USP7: variants seen among roughly 807,000 people sequenced by gnomAD.
USP7 encodes ubiquitin C-terminal hydrolase 7.
In USP7, 9 loss-of-function variants were observed where a neutral mutation model predicts 162.9. That is an observed-to-expected ratio of 0.06 (90% CI 0.03 to 0.10). The LOEUF (loss-of-function observed/expected upper bound fraction) is 0.10. Among genes scored for constraint, USP7 ranks in the 10% least tolerant of loss-of-function variants. The pLI is 1.00. For missense variants in USP7, 715 were observed against 1,373.7 expected (o/e 0.52, Z 7.58); for synonymous variants, 562 against 475.9 (o/e 1.18, Z -2.35).
intron 14 of USP7, among the ~76,000 whole-genome samples, chr16:8,904,788 AAAAATAAAAT>A (rs994044889): frequency 1.3e-5 from 2 of 151,606 alleles, no homozygotes; most frequent in South Asian, 4.2e-4. Flanking sequence ...TACTAAAAAA[AAAAATAAAAT>A]AAAAATAAAA....
In USP7 at chr16:8,920,312, C is replaced by T. The variant is rs772528808; in HGVS notation, c.611+47G>A. 3.3e-6 allele frequency: 5 copies of T among 1,513,256 alleles called. No individual in the cohort carries two copies. In the East Asian group the frequency reaches 1.1e-4, roughly 34 times the overall value. The allele number at this position is 1,513,256 out of a possible 1,614,324, so 93.7% of individuals were successfully genotyped here. On this transcript the variant is annotated intron_variant, in intron 5 of 30. Transcript: ENST00000344836. ...ATGCACGCTAAAGCTTCTTTCACTG[C>T]AGCACAAAAGACATTTTTAACAGCA...
intron 1 of USP7, among the ~76,000 whole-genome samples, chr16:8,954,838 T>C (rs1899718929): frequency 6.6e-6 from 1 of 152,218 alleles, no homozygotes; most frequent in African/African-American, 2.4e-5. Flanking sequence ...GGGGCGCCTG[T>C]AGTCCCAGCT....
intron 7 of USP7, 51 bp from the exon 8 acceptor site, chr16:8,916,607 G>C (rs1897383031): frequency 6.5e-7 from 1 of 1,540,014 alleles, no homozygotes; most frequent in Non-Finnish European, 8.8e-7. Flanking sequence ...TTTCAAATGA[G>C]CAAATTAAAA....
intron 1 of USP7, among the ~76,000 whole-genome samples, chr16:8,935,015 C>G (rs867896154): frequency 2.2e-4 from 33 of 152,344 alleles, no homozygotes; most frequent in African/African-American, 7.5e-4. Context: ...CTGTACTAGA[C>G]TTCTAGAAAT....
At chr16:8,909,496 TTC>T (rs1423876926) in intron 11 of USP7, among the ~76,000 whole-genome samples, 3 of 152,208 alleles carry the variant, frequency 2.0e-5, no homozygotes, top group Non-Finnish European at 4.4e-5. Context: ...GATAAAAGGA[TTC>T]TGTCTCCACC....
At chr16:8,925,173 C>T (rs570722698) in intron 2 of USP7, among the ~76,000 whole-genome samples, 287 of 152,264 alleles carry the variant, frequency 1.9e-3, no homozygotes, top group African/African-American at 6.8e-3. Context: ...TTCGCCGAGG[C>T]TGTTTTACAA....
chr16:8,963,387 G>A lies in USP7; in HGVS notation c.-102C>T, dbSNP rs1314105737. 2 of 227,494 alleles carry A rather than the reference G, an allele frequency of 8.8e-6. No homozygotes were observed. The highest frequency in any genetic ancestry group is 1.4e-5 in the Non-Finnish European group (2 of 141,382). 14.1% of individuals were successfully genotyped at this position (227,494 alleles called of 1,614,324 possible). ...GGCGGCGGCGGCGGCGGCGGCGGCG[G>A]GGCGGCCTCCTCCTCCTCCTCCCGC... On this transcript the variant is annotated 5_prime_UTR_variant, in exon 1 of 31. Transcript: ENST00000344836.
At chr16:8,925,973 T>G (rs1897965912) in intron 2 of USP7, among the ~76,000 whole-genome samples, 1 of 148,006 alleles carries the variant, frequency 6.8e-6, no homozygotes, top group South Asian at 2.2e-4. Flanking sequence ...GCTAACACGG[T>G]CAAACTCCAT....
At chr16:8,918,152 T>C (rs1042014688) in intron 6 of USP7, among the ~76,000 whole-genome samples, 1 of 152,156 alleles carries the variant, frequency 6.6e-6, no homozygotes, top group African/African-American at 2.4e-5. Context: ...AAAACTTAAA[T>C]GTGACTAGAA....
At chr16:8,911,167 A>G (rs1214869614) in intron 10 of USP7, among the ~76,000 whole-genome samples, 1 of 152,216 alleles carries the variant, frequency 6.6e-6, no homozygotes, top group Non-Finnish European at 1.5e-5. Context: ...TGGTCTCAAA[A>G]GCAGAGATGC....
chr16:8,920,526 CTG>C, intron 4 of USP7, 79 bp from the exon 5 acceptor site: 1 of 1,218,402 alleles, frequency 8.2e-7, no homozygotes. Context: ...CATTAGTGCC[CTG>C]TACTTAATAG....
intron 1 of USP7, among the ~76,000 whole-genome samples, chr16:8,951,903 C>T (rs1899571462): frequency 2.0e-5 from 3 of 152,334 alleles, no homozygotes; most frequent in East Asian, 1.9e-4. Flanking sequence ...ATGCCACCTG[C>T]AGTGTATCAG....
At chr16:8,900,009 C>A (rs2061748853) in intron 21 of USP7, 1 of 558,292 alleles carries the variant, frequency 1.8e-6, no homozygotes, top group East Asian at 3.1e-5. Context: ...ACAAAACCCC[C>A]TTAGGTAACA....
In USP7 at chr16:8,905,246, A is replaced by G; in HGVS notation, c.1514T>C (p.Leu505Pro). 1 of 1,614,228 alleles carries G rather than the reference A, an allele frequency of 6.2e-7. No individual in the cohort carries two copies. The highest frequency in any genetic ancestry group is 8.5e-7 in the Non-Finnish European group (1 of 1,180,026). Residue 505 changes from leucine (L) to proline (P), a missense_variant, in exon 14 of 31, where the codon CTG (leucine) becomes CCG (proline). Leu to Pro is a moderately conservative substitution (Grantham distance 98). Coordinates refer to ENST00000344836, the MANE Select transcript of USP7 (RefSeq NM_003470.3). ...AGCATTAGTGCAGTGTCGAACAGAC[A>G]GGTCGTCATCGTGACCCCCATAATT... is the stretch of plus-strand genomic sequence containing the variant. ...EHNYGGHDDD[L>P]SVRHCTNAYM...
intron 15 of USP7, among the ~76,000 whole-genome samples, chr16:8,903,848 C>G (rs1004359211): frequency 3.1e-5 from 4 of 130,326 alleles, no homozygotes; most frequent in African/African-American, 1.2e-4. Context: ...GCCTGGGCAA[C>G]AAGAGTGAAA....
At chr16:8,936,665 A>G in intron 1 of USP7, 1 of 1,544,412 alleles carries the variant, frequency 6.5e-7, no homozygotes, top group Non-Finnish European at 8.7e-7. Context: ...AGGTTCTCTC[A>G]CCCACATCAG....
chr16:8,926,206 G>A (rs569415694), intron 2 of USP7, among the ~76,000 whole-genome samples: 28 of 152,062 alleles, frequency 1.8e-4, no homozygotes, highest in South Asian at 1.2e-3. Context: ...GGCCGGGCGC[G>A]GTGGTTCGCG....
At chr16:8,944,777 G>C (rs1037155270) in intron 1 of USP7, among the ~76,000 whole-genome samples, 2 of 152,230 alleles carry the variant, frequency 1.3e-5, no homozygotes, top group Non-Finnish European at 2.9e-5. Context: ...AGGGCTGTCA[G>C]ATCTTTTGAA....
At chr16:8,894,146 C>T (rs1325230210) in intron 30 of USP7, 42 bp from the exon 31 acceptor site, 2 of 1,572,790 alleles carry the variant, frequency 1.3e-6, no homozygotes, top group East Asian at 4.5e-5. Flanking sequence ...ACAGAGCAGC[C>T]CTGGAACCCC....
Sources: allele counts gnomAD v4.1 joint callset (sites outside exome capture counted in the v4.1 genomes callset), GRCh38; gene constraint gnomAD v4.1.1; transcripts MANE v1.5; gene names NCBI Gene and HGNC (gene_info 2026-07-23, HGNC 2026-07-21).